The following N4BP1 variants were observed in gnomAD, a reference collection of about 807,000 sequenced individuals.
N4BP1 encodes NEDD4 binding protein 1.
In N4BP1, 21 loss-of-function variants were observed where a neutral mutation model predicts 70.9. That is an observed-to-expected ratio of 0.30 (90% confidence interval 0.21 to 0.43). The LOEUF (loss-of-function observed/expected upper bound fraction) is 0.43, where lower values mean the gene tolerates loss of function less well. Among genes scored for constraint, N4BP1 ranks in the 20% least tolerant of loss-of-function variants. The pLI, the probability that N4BP1 is intolerant of heterozygous loss-of-function variation, is 1.00. For missense variants in N4BP1, 936 were observed against 1,069.4 expected (o/e 0.88, Z 1.74); for synonymous variants, 387 against 394.6 (o/e 0.98, Z 0.23).
At chr16:48,589,182 C>A (rs1384161494) in intron 1 of N4BP1, among the ~76,000 whole-genome samples, 1 of 152,084 alleles carries the variant, frequency 6.6e-6, no homozygotes, top group Non-Finnish European at 1.5e-5. Context: ...TCCTGGCATA[C>A]AACTTTTAAA....
rs960997466 is a variant in N4BP1 at position 48,557,001 on chromosome 16, T to C, written c.1890-3332A>G. On this transcript the variant is annotated intron_variant, in intron 2 of 6. Coordinates refer to ENST00000262384, the MANE Select transcript of N4BP1 (RefSeq NM_153029.4). ...CTGTCTAGCCATACACCACAAACAA[T>C]TTCCACTTACTCATCATTTGACTCA... Among the ~76,000 whole-genome samples the C allele has an allele frequency of 1.1e-4, 17 of 152,074 alleles. 1 individual carries two copies. The East Asian group carries it at 3.3e-3, about 29-fold the overall frequency.
chr16:48,600,488 G>C, intron 1 of N4BP1: 1 of 599,104 alleles, frequency 1.7e-6, no homozygotes, highest in Non-Finnish European at 3.2e-6. Flanking sequence ...AATTTATAAT[G>C]AACAGATTGA....
intron 1 of N4BP1, chr16:48,577,988 A>AG (rs1036639305): frequency 6.4e-6 from 1 of 155,768 alleles, no homozygotes; most frequent in African/African-American, 2.4e-5. Flanking sequence ...CACCCACACT[A>AG]GACGTGACCG....
chr16:48,571,492 C>T (rs889105886), intron 1 of N4BP1, among the ~76,000 whole-genome samples: 5 of 152,104 alleles, frequency 3.3e-5, no homozygotes, highest in African/African-American at 1.2e-4. Context: ...ACCAATTAAG[C>T]AGATCACATG....
At position 48,609,826 on chromosome 16, in the gene N4BP1, C is replaced by T. The variant is rs1271981745; in HGVS notation, c.147G>A (p.Ala49=). 2.0e-6 allele frequency: 3 copies of T among 1,486,606 alleles called. No homozygotes were observed. Among genetic ancestry groups the T allele is most frequent in the African/African-American group, 2.9e-5 (2 of 68,666 alleles). 92.1% of individuals were successfully genotyped at this position (1,486,606 alleles called of 1,614,324 possible). ...CCCCGCAGAGCTGCAGCCAGATGCGCGCGGGCAGCGGCTCCTCAGCCCCTA... is the reference window on the plus strand; with the variant it reads ...CCCCGCAGAGCTGCAGCCAGATGCGTGCGGGCAGCGGCTCCTCAGCCCCTA... ...GALGAEEPLP[A]RIWLQLCGAQ... is the part of the protein sequence containing the mutation. Residue 49 remains alanine, a synonymous_variant, in exon 1 of 7, where the codon GCG becomes GCA. Transcript: ENST00000262384.
chr16:48,599,489 C>T (rs1395869450), intron 1 of N4BP1, among the ~76,000 whole-genome samples: 1 of 152,156 alleles, frequency 6.6e-6, no homozygotes, highest in African/African-American at 2.4e-5. Context: ...CAGTTTTGTA[C>T]CCAAATCTAG....
At chr16:48,608,826 C>A (rs1269998584) in intron 1 of N4BP1, among the ~76,000 whole-genome samples, 1 of 151,216 alleles carries the variant, frequency 6.6e-6, no homozygotes, top group African/African-American at 2.4e-5. Context: ...ATAAGGGCTG[C>A]ACATTCCTTC....
intron 4 of N4BP1, among the ~76,000 whole-genome samples, chr16:48,549,237 G>A (rs1291825592): frequency 6.6e-6 from 1 of 152,168 alleles, no homozygotes. Context: ...AGAGATCTTA[G>A]AAAACCTTGG....
chr16:48,562,522 A>C, intron 1 of N4BP1, 78 bp from the exon 2 acceptor site: 1 of 1,152,330 alleles, frequency 8.7e-7, no homozygotes, highest in Non-Finnish European at 1.2e-6. Flanking sequence ...TGTAACTACA[A>C]ATGTCAGGCC....
At position 48,609,938 on chromosome 16, in the gene N4BP1, G is replaced by A. The variant is rs1185835044; in HGVS notation, c.35C>T (p.Ala12Val). 5.6e-6 allele frequency: 8 copies of A among 1,419,128 alleles called. No individual in the cohort carries two copies. The highest frequency in any genetic ancestry group is 7.4e-6 in the Non-Finnish European group (8 of 1,080,688). The allele number at this position is 1,419,128 out of a possible 1,614,324, so 87.9% of individuals were successfully genotyped here. A position where few individuals can be genotyped will look rare whatever the true frequency, so the allele number is the denominator to read the frequency against. The change falls in exon 1 of 7, where the codon GCG (alanine) becomes GTG (valine). Residue 12 changes from alanine (A) to valine (V), a missense_variant. By Grantham distance (64) the Ala-to-Val change is moderately conservative. Coordinates refer to ENST00000262384, the MANE Select transcript of N4BP1 (RefSeq NM_153029.4). ...AARAVLDEFT[A>V]PAEKAELLEQ... Reference sequence around the variant, plus strand: ...CAGCAGCTCCGCCTTCTCAGCTGGCGCAGTGAACTCGTCCAGCACCGCCCG... The same window carrying A: ...CAGCAGCTCCGCCTTCTCAGCTGGCACAGTGAACTCGTCCAGCACCGCCCG...
Position 48,562,272 on chromosome 16 carries a change from G to A in N4BP1, c.371C>T (p.Ala124Val), listed in dbSNP as rs1389917878. The change falls in exon 2 of 7, where the codon GCT becomes GTT. Residue 124 changes from alanine to valine, a missense_variant. Ala to Val is a moderately conservative substitution (Grantham distance 64). Transcript: ENST00000262384. ...DIGLLGIRGS[A>V]EAVVMARSHI... The stretch of plus-strand genomic sequence containing the variant: ...ACTCCTAGCCATGACCACAGCCTCA[G>A]CACTTCCTCTGATGCCAAGAAGGCC... 1 of 1,613,798 alleles carries A rather than the reference G, an allele frequency of 6.2e-7. No homozygotes were observed. Among genetic ancestry groups the A allele is most frequent in the African/African-American group, 1.3e-5 (1 of 74,906 alleles).
intron 1 of N4BP1, among the ~76,000 whole-genome samples, chr16:48,590,340 C>T (rs76240157): frequency 0.021 from 3,180 of 152,276 alleles, 114 homozygotes; most frequent in African/African-American, 0.07. Flanking sequence ...GATCCCTGAA[C>T]GCTGGGGGAG....
In N4BP1 at chr16:48,601,872, C is replaced by A. The variant is rs576803951; in HGVS notation, c.198+7903G>T. 8.0e-4 allele frequency among the ~76,000 whole-genome samples: 122 copies of A among 152,250 alleles called. 1 individual carries two copies. Among genetic ancestry groups the A allele is most frequent in the Middle Eastern group, 3.4e-3 (1 of 294 alleles). ...ACTACGGGGCACATGCCACCACGCC[C>A]AGCTAAATTCAGTTTCTTTAAGCCA... On this transcript the variant is annotated intron_variant, in intron 1 of 6. Coordinates refer to ENST00000262384, the MANE Select transcript of N4BP1 (RefSeq NM_153029.4).
At chr16:48,583,793 T>G (rs1964205971) in intron 1 of N4BP1, among the ~76,000 whole-genome samples, 1 of 152,196 alleles carries the variant, frequency 6.6e-6, no homozygotes, top group Non-Finnish European at 1.5e-5. Context: ...CAAAAAAATT[T>G]TTACACTTTG....
chr16:48,592,034 G>A (rs564130507), intron 1 of N4BP1, among the ~76,000 whole-genome samples: 88 of 152,222 alleles, frequency 5.8e-4, no homozygotes, highest in Middle Eastern at 3.4e-3. Flanking sequence ...CTCACTGCAC[G>A]CTTTAATCAA....
At chr16:48,585,438 A>C (rs1231773663) in intron 1 of N4BP1, among the ~76,000 whole-genome samples, 1 of 151,816 alleles carries the variant, frequency 6.6e-6, no homozygotes, top group Non-Finnish European at 1.5e-5. Context: ...GGAGCTCAAG[A>C]CCAGCCTGGG....
chr16:48,578,645 C>T (rs1482844361), intron 1 of N4BP1, among the ~76,000 whole-genome samples: 3 of 152,204 alleles, frequency 2.0e-5, no homozygotes, highest in Non-Finnish European at 2.9e-5. Context: ...GTTCTGAAAA[C>T]GTACCAATTT....
intron 5 of N4BP1, 79 bp downstream of exon 5, chr16:48,547,928 C>G (rs1963612174): frequency 1.0e-6 from 1 of 968,812 alleles, no homozygotes; most frequent in African/African-American, 1.6e-5. Context: ...ATATAGAAAA[C>G]AAAACGAACA....
intron 1 of N4BP1, among the ~76,000 whole-genome samples, chr16:48,568,739 C>T (rs1442649963): frequency 6.6e-6 from 1 of 152,146 alleles, no homozygotes; most frequent in Admixed American, 6.5e-5. Flanking sequence ...CTGTCCTTCG[C>T]AGTTTCTGAT....
Sources: allele counts gnomAD v4.1 joint callset (sites outside exome capture counted in the v4.1 genomes callset), GRCh38; gene constraint gnomAD v4.1.1; transcripts MANE v1.5; gene names NCBI Gene and HGNC (gene_info 2026-07-23, HGNC 2026-07-21).